Variants in ZNF605 observed in about 807,000 individuals in gnomAD.
ZNF605 encodes the protein zinc finger protein 605.
A neutral mutation model predicts 7.9 loss-of-function variants in ZNF605; 9 were observed. That is an observed-to-expected ratio of 1.14 (90% CI 0.68 to 1.98). The LOEUF is 1.98. Ranked by LOEUF, ZNF605 falls within the 30% of genes most tolerant of loss-of-function variation. The pLI, the probability that ZNF605 is intolerant of heterozygous loss-of-function variation, is 0.00. For synonymous variants in ZNF605, 255 were observed against 260.1 expected (o/e 0.98, Z 0.19); for missense variants, 673 against 762.4 (o/e 0.88, Z 1.38).
At chr12:132,948,531 C>G (rs1952519550) in intron 1 of ZNF605, 1 of 152,248 alleles carries the variant, frequency 6.6e-6, no homozygotes, top group African/African-American at 2.4e-5. Flanking sequence ...ACAAGTGGCA[C>G]GAGGCCAGTG....
Position 132,926,015 on chromosome 12 carries a change from T to A in ZNF605, c.1284A>T (p.Lys428Asn). 1 of 1,614,218 alleles carries A rather than the reference T, an allele frequency of 6.2e-7. No homozygotes were observed. ...EKPYGCIQCG[K>N]TFFGKSQLLT... ...GGAGCTGGGACTTCCCAAAGAAGGT[T>A]TTCCCACATTGAATGCATCCATATG... Residue 428 changes from lysine (K) to asparagine (N), a missense_variant, in exon 5 of 5, where the codon AAA becomes AAT. By Grantham distance (94) the Lys-to-Asn change is moderately conservative. Coordinates refer to ENST00000360187, the MANE Select transcript of ZNF605 (RefSeq NM_183238.4).
At chr12:132,938,370 G>A (rs1239595810) in intron 3 of ZNF605, among the ~76,000 whole-genome samples, 2 of 151,834 alleles carry the variant, frequency 1.3e-5, no homozygotes, top group South Asian at 4.2e-4. Context: ...GCACGATCTC[G>A]ACTCACTGCA....
rs1443217333 is a variant in ZNF605, at chr12:132,941,727, G to T, written c.15+3894C>A. On this transcript the variant is annotated intron_variant, in intron 3 of 4. Transcript: ENST00000360187. The surrounding 1 kb of genome is among the most constrained non-coding windows in gnomAD (Gnocchi z 5.1). ...CGTTCCCCGCAGGGCACTTCCCACG[G>T]GTACCTCCAGGCTGCCCTCCGTCAC... Among the ~76,000 whole-genome samples, 2 of 152,146 alleles carry T rather than the reference G, an allele frequency of 1.3e-5. No individual in the cohort carries two copies. The highest frequency in any genetic ancestry group is 2.9e-5 in the Non-Finnish European group (2 of 68,004).
intron 4 of ZNF605, chr12:132,932,805 C>T: frequency 9.1e-6 from 14 of 1,535,056 alleles, no homozygotes; most frequent in Non-Finnish European, 1.2e-5. Context: ...AATTTGAAAA[C>T]CTGTCGATTG....
chr12:132,951,651 C>G (rs943293594), intron 1 of ZNF605, among the ~76,000 whole-genome samples: 12 of 151,526 alleles, frequency 7.9e-5, no homozygotes, highest in African/African-American at 2.9e-4. Flanking sequence ...CTGATGCACA[C>G]GTACATCCCA....
rs1952330401 is a variant in ZNF605, at chr12:132,933,830, G to T, written c.16-675C>A. Among the ~76,000 whole-genome samples the T allele has an allele frequency of 6.6e-6, 1 of 152,200 alleles. No homozygotes were observed. The highest frequency in any genetic ancestry group is 2.1e-4 in the South Asian group (1 of 4,830). On this transcript the variant is annotated intron_variant, in intron 3 of 4. Coordinates refer to ENST00000360187, the MANE Select transcript of ZNF605 (RefSeq NM_183238.4). The surrounding 1 kb of genome is among the most constrained non-coding windows in gnomAD (Gnocchi z 4.4). The stretch of plus-strand genomic sequence containing the variant: ...ACTGAACAAGAAACCAGAATAGGTT[G>T]TCTTTAAACAATACAGTGGTTCTCA...
intron 4 of ZNF605, chr12:132,932,766 T>G: frequency 2.0e-6 from 3 of 1,536,778 alleles, no homozygotes; most frequent in South Asian, 2.4e-5. Flanking sequence ...ATCTTGTTGT[T>G]CCAGTTTGAA....
chr12:132,941,887 C>T lies in ZNF605; in HGVS notation c.15+3734G>A, dbSNP rs1952447004. On this transcript the variant is annotated intron_variant, in intron 3 of 4. Coordinates refer to ENST00000360187, the MANE Select transcript of ZNF605 (RefSeq NM_183238.4). The surrounding 1 kb of genome is among the most constrained non-coding windows in gnomAD (Gnocchi z 5.1). ...GCCCTCCATCACGCACTCTTCTTCT[C>T]CAGTTACAGACACCTCAGACTCCAC... Among the ~76,000 whole-genome samples, 4 of 152,232 alleles carry T rather than the reference C, an allele frequency of 2.6e-5. No individual in the cohort carries two copies. Among genetic ancestry groups the T allele is most frequent in the Admixed American group, 2.6e-4 (4 of 15,280 alleles).
chr12:132,940,026 G>A (rs114621743), intron 3 of ZNF605, among the ~76,000 whole-genome samples: 3,747 of 152,078 alleles, frequency 0.025, 154 homozygotes, highest in African/African-American at 0.085. Context: ...CTCCAGACGC[G>A]CCACCCGAAG....
intron 3 of ZNF605, among the ~76,000 whole-genome samples, chr12:132,942,194 G>A (rs1952449884): frequency 1.3e-5 from 2 of 152,154 alleles, no homozygotes; most frequent in Non-Finnish European, 2.9e-5. Context: ...GCATCTGGGA[G>A]GCTCAGGGAA....
chr12:132,953,959 G>A lies in ZNF605; in HGVS notation c.-286+2284C>T, dbSNP rs112053520. On this transcript the variant is annotated intron_variant, in intron 1 of 4. Coordinates refer to ENST00000360187, the MANE Select transcript of ZNF605 (RefSeq NM_183238.4). The stretch of plus-strand genomic sequence containing the variant: ...AGTCATTCAGTCATCTCTGGTACCC[G>A]GTCACTAATACAAACAAGCTCCTTC... Among the ~76,000 whole-genome samples the A allele has an allele frequency of 8.2e-3, 1,251 of 151,882 alleles. 10 individuals are homozygous for A. The highest frequency in any genetic ancestry group is 0.026 in the African/African-American group (1,066 of 41,370).
rs1480391940 is a variant in ZNF605 at position 132,929,042 on chromosome 12, A to AC, written c.137-1881_137-1880insG. Among the ~76,000 whole-genome samples, 37 of 18,184 alleles carry AC rather than the reference A, an allele frequency of 2.0e-3. 1 individual carries two copies. Among genetic ancestry groups the AC allele is most frequent in the South Asian group, 0.013 (1 of 78 alleles). 11.9% of individuals were successfully genotyped at this position (18,184 alleles called of 152,430 possible). ...AACAAAACAAAACAAAACAAAACAA[A>AC]ACAAAAAAACCCCAAAAACTACTCT... On this transcript the variant is annotated intron_variant, in intron 4 of 4. Coordinates refer to ENST00000360187, the MANE Select transcript of ZNF605 (RefSeq NM_183238.4).
At chr12:132,932,833 G>T in intron 4 of ZNF605, 1 of 1,501,220 alleles carries the variant, frequency 6.7e-7, no homozygotes, top group South Asian at 1.2e-5. Context: ...AGAGGACTTG[G>T]ACCTAACTGC....
chr12:132,929,805 C>CGTGG lies in ZNF605; in HGVS notation c.137-2647_137-2644dup, dbSNP rs774952935. 2.4e-3 allele frequency among the ~76,000 whole-genome samples: 362 copies of CGTGG among 152,044 alleles called. 1 individual carries two copies. Among genetic ancestry groups the CGTGG allele is most frequent in the South Asian group, 3.3e-3 (16 of 4,816 alleles). On this transcript the variant is annotated intron_variant, in intron 4 of 4. Coordinates refer to ENST00000360187, the MANE Select transcript of ZNF605 (RefSeq NM_183238.4). ...ACTAAAAATACAACAAATAGCTGGG[C>CGTGG]GTGGTGGTGTGCGCCTGTAATCCCA... is the stretch of plus-strand genomic sequence containing the variant.
chr12:132,944,747 G>A (rs1245419266), intron 3 of ZNF605: 12 of 152,468 alleles, frequency 7.9e-5, no homozygotes, highest in South Asian at 2.1e-4. Context: ...TTACAAGGCT[G>A]CTATTTAGGA....
At position 132,923,769 on chromosome 12, in the gene ZNF605, A is replaced by ATACT. The variant is rs1952223413; in HGVS notation, c.*1600_*1603dup. On this transcript the variant is annotated 3_prime_UTR_variant, in exon 5 of 5. Coordinates refer to ENST00000360187, the MANE Select transcript of ZNF605 (RefSeq NM_183238.4). ...AAATCTTTAGCCATTATTTATTCAA[A>ATACT]TACTTCTTCATGCCTCTTCATTTTC... 6.6e-6 allele frequency: 1 copy of ATACT among 152,140 alleles called. No homozygotes were observed. The highest frequency in any genetic ancestry group is 1.5e-5 in the Non-Finnish European group (1 of 68,022). 9.4% of individuals were successfully genotyped at this position (152,140 alleles called of 1,614,324 possible). A position where few individuals can be genotyped will look rare whatever the true frequency, so the allele number is the denominator to read the frequency against.
chr12:132,947,884 C>G (rs1247064137), intron 2 of ZNF605, among the ~76,000 whole-genome samples: 1 of 152,054 alleles, frequency 6.6e-6, no homozygotes, highest in East Asian at 1.9e-4. Flanking sequence ...CCCTTAACCC[C>G]TCCATGATTC....
intron 4 of ZNF605, 71 bp from the exon 5 acceptor site, chr12:132,927,233 G>C: frequency 8.7e-7 from 1 of 1,154,070 alleles, no homozygotes; most frequent in Non-Finnish European, 1.2e-6. Flanking sequence ...TAAAGCTTCT[G>C]AAATGGCGCC....
At chr12:132,943,484 C>T (rs1240082833) in intron 3 of ZNF605, among the ~76,000 whole-genome samples, 1 of 152,188 alleles carries the variant, frequency 6.6e-6, no homozygotes, top group Non-Finnish European at 1.5e-5. Flanking sequence ...GCACGGCCAG[C>T]ACACTCTGGT....
Sources: allele counts gnomAD v4.1 joint callset (sites outside exome capture counted in the v4.1 genomes callset), GRCh38; gene constraint gnomAD v4.1.1; non-coding constraint Gnocchi (gnomAD v3.1); transcripts MANE v1.5; gene names NCBI Gene and HGNC (gene_info 2026-07-23, HGNC 2026-07-21).